The following RCAN2 variants were observed in gnomAD, a reference collection of about 807,000 sequenced individuals.
The protein encoded by RCAN2 is calcipressin-2.
A neutral mutation model predicts 23.6 loss-of-function variants in RCAN2; 9 were observed. The ratio of observed to expected loss-of-function variants is 0.38; its 90% CI spans 0.23 to 0.67. RCAN2 has a LOEUF of 0.67. Among genes scored for constraint, RCAN2 ranks in the 30% least tolerant of loss-of-function variants. The pLI, the probability that RCAN2 is intolerant of heterozygous loss-of-function variation, is 0.51. For missense variants in RCAN2, 273 were observed against 302.3 expected, an observed-to-expected ratio of 0.90 and a Z score of 0.72; for synonymous variants, 109 against 115.7, an observed-to-expected ratio of 0.94 and a Z score of 0.37.
chr6:46,389,976 C>G (rs191974050), intron 2 of RCAN2, among the ~76,000 whole-genome samples: 3 of 127,794 alleles, frequency 2.3e-5, no homozygotes, highest in Non-Finnish European at 5.0e-5. Flanking sequence ...AATGAAATGA[C>G]AAAAACAAAG....
chr6:46,295,781 A>G (rs1348670726), intron 2 of RCAN2, among the ~76,000 whole-genome samples: 1 of 152,118 alleles, frequency 6.6e-6, no homozygotes, highest in Non-Finnish European at 1.5e-5. Flanking sequence ...TTGGAGCCAG[A>G]GGAGAAGAGG....
At chr6:46,403,028 G>A (rs1322880393) in intron 2 of RCAN2, among the ~76,000 whole-genome samples, 6 of 151,556 alleles carry the variant, frequency 4.0e-5, no homozygotes, top group African/African-American at 9.7e-5. Context: ...GCAGTAGCGC[G>A]ATCTTGGCTC....
intron 2 of RCAN2, among the ~76,000 whole-genome samples, chr6:46,392,907 C>A (rs1394538572): frequency 6.6e-6 from 1 of 151,974 alleles, no homozygotes; most frequent in Non-Finnish European, 1.5e-5. Flanking sequence ...GTGGTAGGTG[C>A]CAACATAAGC....
chr6:46,316,892 T>C (rs1763457711), intron 2 of RCAN2, among the ~76,000 whole-genome samples: 1 of 152,186 alleles, frequency 6.6e-6, no homozygotes, highest in South Asian at 2.1e-4. Flanking sequence ...CACCAAGAGA[T>C]CTTGTGTTGT....
chr6:46,379,525 T>C (rs1765566617), intron 2 of RCAN2, among the ~76,000 whole-genome samples: 2 of 152,224 alleles, frequency 1.3e-5, no homozygotes, highest in African/African-American at 2.4e-5. Flanking sequence ...CAATTTCATG[T>C]AATCCAGTTA....
intron 2 of RCAN2, among the ~76,000 whole-genome samples, chr6:46,322,809 A>G (rs1399025296): frequency 6.6e-6 from 1 of 152,254 alleles, no homozygotes; most frequent in East Asian, 1.9e-4. Context: ...TAATGAATGA[A>G]GAAGACAGAT....
At chr6:46,441,864 G>A (rs750050457) in intron 2 of RCAN2, among the ~76,000 whole-genome samples, 1 of 152,150 alleles carries the variant, frequency 6.6e-6, no homozygotes, top group Non-Finnish European at 1.5e-5. Context: ...AGGTAATAAG[G>A]AAGTCTATAC....
At chr6:46,297,086 C>T (rs1468777978) in intron 2 of RCAN2, among the ~76,000 whole-genome samples, 4 of 152,254 alleles carry the variant, frequency 2.6e-5, no homozygotes, top group African/African-American at 7.2e-5. Context: ...ATGATAAAGG[C>T]TCCGTACTAC....
At chr6:46,405,394 A>G (rs776765560) in intron 2 of RCAN2, among the ~76,000 whole-genome samples, 2 of 152,054 alleles carry the variant, frequency 1.3e-5, no homozygotes, top group Non-Finnish European at 2.9e-5. Flanking sequence ...TTATTCTCTT[A>G]TCTGGCTCCA....
chr6:46,232,972 C>T (rs1765952736), intron 4 of RCAN2, among the ~76,000 whole-genome samples: 1 of 152,130 alleles, frequency 6.6e-6, no homozygotes, highest in Non-Finnish European at 1.5e-5. Flanking sequence ...GATACTGGCA[C>T]ACACACAATG....
chr6:46,441,257 C>A (rs1276983043), intron 2 of RCAN2, among the ~76,000 whole-genome samples: 2 of 152,162 alleles, frequency 1.3e-5, no homozygotes, highest in African/African-American at 4.8e-5. Flanking sequence ...AAAAAGGGAA[C>A]TGAGTTTCAA....
chr6:46,315,333 A>C (rs1393160167), intron 2 of RCAN2, among the ~76,000 whole-genome samples: 1 of 152,202 alleles, frequency 6.6e-6, no homozygotes, highest in Non-Finnish European at 1.5e-5. Context: ...GAGCCAATAC[A>C]TGAACACACA....
intron 1 of RCAN2, among the ~76,000 whole-genome samples, chr6:46,483,021 G>A (rs1391185292): frequency 6.6e-6 from 1 of 152,154 alleles, no homozygotes; most frequent in Non-Finnish European, 1.5e-5. Context: ...CTTGCCATAT[G>A]GCTTCCTGGG....
intron 2 of RCAN2, among the ~76,000 whole-genome samples, chr6:46,355,362 G>A (rs1417543907): frequency 6.6e-6 from 1 of 152,134 alleles, no homozygotes; most frequent in East Asian, 1.9e-4. Flanking sequence ...GGGCTCCAGT[G>A]TTTATCAGAA....
chr6:46,476,191 C>G (rs1534362), intron 1 of RCAN2, among the ~76,000 whole-genome samples: 1 of 151,984 alleles, frequency 6.6e-6, no homozygotes, highest in African/African-American at 2.4e-5. Flanking sequence ...CAGTTGCTCA[C>G]TGTCTCACAG....
chr6:46,482,904 A>G (rs990474254), intron 1 of RCAN2, among the ~76,000 whole-genome samples: 1 of 152,220 alleles, frequency 6.6e-6, no homozygotes, highest in East Asian at 1.9e-4. Context: ...AGGTTATTTT[A>G]AGGAACAAAA....
chr6:46,335,318 C>T (rs1423100354), intron 2 of RCAN2, among the ~76,000 whole-genome samples: 1 of 152,192 alleles, frequency 6.6e-6, no homozygotes, highest in Non-Finnish European at 1.5e-5. Flanking sequence ...CCCTGTCCTG[C>T]CATGAGTCTC....
rs185529758 is a variant in RCAN2 at position 46,230,879 on chromosome 6, G to A, written c.572-7578C>T. On this transcript the variant is annotated intron_variant, in intron 4 of 4. Coordinates refer to ENST00000371374, the MANE Select transcript of RCAN2 (RefSeq NM_001251974.2). ...CTGTAGACTGGAGCTCTTCCTATCC[G>A]GCCATCTTGGAACCTCTCTCCAAGG... 1.1e-3 allele frequency among the ~76,000 whole-genome samples: 161 copies of A among 152,220 alleles called. 1 individual carries two copies. The highest frequency in any genetic ancestry group is 3.6e-3 in the African/African-American group (148 of 41,540).
chr6:46,320,720 C>A (rs115526357), intron 2 of RCAN2, among the ~76,000 whole-genome samples: 3 of 152,082 alleles, frequency 2.0e-5, no homozygotes, highest in Admixed American at 6.6e-5. Context: ...AAGGCCTTGG[C>A]CTTTCAGAAG....
Sources: gnomAD v4.1 joint callset for allele counts (sites outside exome capture counted in the v4.1 genomes callset) on GRCh38, gnomAD v4.1.1 for gene constraint, MANE v1.5 for transcripts, NCBI Gene and HGNC (gene_info 2026-07-23, HGNC 2026-07-21) for gene names.